Variants in ANXA8 observed in about 807,000 individuals in gnomAD.
The protein encoded by ANXA8 is annexin A8.
Under a neutral mutation model 26.8 loss-of-function variants are expected in ANXA8, and 9 were observed. That is an observed-to-expected ratio of 0.34 (90% CI 0.20 to 0.59). The LOEUF is 0.59. ANXA8 is among the 20% of genes least tolerant of loss of function. The pLI is 0.84. For missense variants in ANXA8, 83 were observed against 238.5 expected, an observed-to-expected ratio of 0.35 and a Z score of 4.29; for synonymous variants, 39 against 94.8, an observed-to-expected ratio of 0.41 and a Z score of 3.42.
chr10:47,645,079 G>A, the ANXA8 span, among the ~76,000 whole-genome samples: 1 of 151,490 alleles, frequency 6.6e-6, no homozygotes, highest in Non-Finnish European at 1.5e-5. Context: ...CTCATCCCTA[G>A]TGATTATACT....
chr10:47,493,433 G>C, the ANXA8 span, among the ~76,000 whole-genome samples: 2 of 149,382 alleles, frequency 1.3e-5, no homozygotes, highest in African/African-American at 5.0e-5. Context: ...GATTCTCCCT[G>C]GACCTGTCAA....
At chr10:47,657,406 G>T in the ANXA8 span, among the ~76,000 whole-genome samples, 5 of 151,780 alleles carry the variant, frequency 3.3e-5, no homozygotes, top group African/African-American at 7.3e-5. Flanking sequence ...AGTTTTGCAG[G>T]TAGAGAAAAT....
the ANXA8 span, among the ~76,000 whole-genome samples, chr10:47,525,469 A>G: frequency 1.4e-5 from 2 of 139,214 alleles, no homozygotes; most frequent in Non-Finnish European, 3.1e-5. Context: ...TCACAAGAAC[A>G]GCATGAGGAT....
At chr10:47,974,644 G>A in the ANXA8 span, among the ~76,000 whole-genome samples, 1 of 144,324 alleles carries the variant, frequency 6.9e-6, no homozygotes, top group Non-Finnish European at 1.5e-5. Context: ...CCTTAATTTT[G>A]ATTTTCACCT....
At chr10:47,969,108 C>A in the ANXA8 span, among the ~76,000 whole-genome samples, 41 of 150,622 alleles carry the variant, frequency 2.7e-4, no homozygotes, top group African/African-American at 9.2e-4. Context: ...AAAACCAACC[C>A]AGAGGTCAGT....
chr10:47,896,388 T>TGTAATTAGA, the ANXA8 span, among the ~76,000 whole-genome samples: 1 of 151,542 alleles, frequency 6.6e-6, no homozygotes, highest in Non-Finnish European at 1.5e-5. Flanking sequence ...ATGTAACTTC[T>TGTAATTAGA]GAGCACATGC....
At chr10:47,631,526 G>C in the ANXA8 span, among the ~76,000 whole-genome samples, 6 of 150,740 alleles carry the variant, frequency 4.0e-5, no homozygotes, top group Non-Finnish European at 7.4e-5. Flanking sequence ...TTAAGCTCCT[G>C]ATGACAAAGC....
chr10:47,563,797 A>C, the ANXA8 span: 4 of 702,982 alleles, frequency 5.7e-6, no homozygotes, highest in Admixed American at 8.9e-5. Flanking sequence ...ATTTTTTTTT[A>C]AGTTGTACTC....
At chr10:47,497,079 G>T in the ANXA8 span, among the ~76,000 whole-genome samples, 4 of 151,412 alleles carry the variant, frequency 2.6e-5, no homozygotes, top group Non-Finnish European at 5.9e-5. Context: ...CTAGCACTTT[G>T]GGATGCCGAT....
chr10:47,918,386 A>AG, the ANXA8 span, among the ~76,000 whole-genome samples: 4 of 14,218 alleles, frequency 2.8e-4, no homozygotes, highest in African/African-American at 2.7e-3. Context: ...AGAGAGAGAG[A>AG]AAGAAAGAAA....
chr10:47,947,470 T>G, the ANXA8 span, among the ~76,000 whole-genome samples: 4 of 147,706 alleles, frequency 2.7e-5, no homozygotes, highest in Non-Finnish European at 5.9e-5. Flanking sequence ...ATCTGTACAG[T>G]TGATATGGCT....
the ANXA8 span, among the ~76,000 whole-genome samples, chr10:47,721,200 T>C: frequency 1.4e-4 from 20 of 141,726 alleles, no homozygotes; most frequent in African/African-American, 5.1e-4. Flanking sequence ...GATTTATTAA[T>C]AGTTAAGGCC....
At chr10:47,488,693 CAT>C (rs1419708431), upstream of ANXA8, among the ~76,000 whole-genome samples, 4 of 122,870 alleles carry the variant, frequency 3.3e-5, no homozygotes, top group African/African-American at 9.1e-5. Context: ...TAACATTTAA[CAT>C]AGAATTTTAC....
At chr10:47,626,445 G>T in the ANXA8 span, among the ~76,000 whole-genome samples, 55 of 150,256 alleles carry the variant, frequency 3.7e-4, 1 homozygote, top group East Asian at 1.4e-3. Flanking sequence ...AATTTTTTCC[G>T]ACAGATATCC....
At chr10:47,733,185 CTT>C in the ANXA8 span, among the ~76,000 whole-genome samples, 29 of 113,736 alleles carry the variant, frequency 2.5e-4, no homozygotes, top group African/African-American at 8.2e-4. Flanking sequence ...TTCTTTCTTT[CTT>C]TCTTTCTTTC....
the ANXA8 span, among the ~76,000 whole-genome samples, chr10:47,983,440 G>T: frequency 7.1e-4 from 104 of 146,042 alleles, 2 homozygotes; most frequent in East Asian, 0.019. Context: ...CTCCACTGAA[G>T]GACGGACCTG....
chr10:47,767,999 A>G, the ANXA8 span, among the ~76,000 whole-genome samples: 1 of 149,382 alleles, frequency 6.7e-6, no homozygotes, highest in African/African-American at 2.5e-5. Flanking sequence ...CTGTGTTAGC[A>G]AGGAGCTGAG....
the ANXA8 span, chr10:47,955,962 C>CT: frequency 4.5e-5 from 2 of 44,386 alleles, 1 homozygote; most frequent in African/African-American, 1.9e-4. Flanking sequence ...AGCTTTTTTT[C>CT]TTTTTTTACA....
chr10:47,899,357 CAAT>C, the ANXA8 span, among the ~76,000 whole-genome samples: 1 of 126,246 alleles, frequency 7.9e-6, no homozygotes, highest in Non-Finnish European at 1.7e-5. Context: ...CAAGAATCAA[CAAT>C]GTTTTAAATA....
Sources: allele counts gnomAD v4.1 joint callset (sites outside exome capture counted in the v4.1 genomes callset), GRCh38; gene constraint gnomAD v4.1.1; transcripts MANE v1.5; gene names NCBI Gene and HGNC (gene_info 2026-07-23, HGNC 2026-07-21).